Variants in ATXN7 observed in about 807,000 individuals in gnomAD.
ATXN7 encodes ataxin 7.
ATXN7 carries 12 observed loss-of-function variants against 70.5 expected under a neutral mutation model. The ratio of observed to expected loss-of-function variants is 0.17; its 90% CI spans 0.11 to 0.28. ATXN7 has a LOEUF of 0.28. Ranked by LOEUF, ATXN7 falls within the 10% of genes least tolerant of loss-of-function variation. The pLI is 1.00. For missense variants in ATXN7, 1,256 were observed against 1,131.7 expected (o/e 1.11, Z -1.58); for synonymous variants, 498 against 448.7 (o/e 1.11, Z -1.39).
chr3:63,900,921 G>T (rs950074135), intron 2 of ATXN7: 2 of 152,266 alleles, frequency 1.3e-5, no homozygotes, highest in African/African-American at 2.4e-5. Flanking sequence ...GAGCCAGGTG[G>T]AACTGTGAGA....
intron 1 of ATXN7, among the ~76,000 whole-genome samples, chr3:63,898,151 T>G (rs908059230): frequency 1.3e-5 from 2 of 152,138 alleles, no homozygotes; most frequent in African/African-American, 4.8e-5. Context: ...CCCAGGAGGC[T>G]AACTCTGTGT....
At chr3:63,984,205 A>AT (rs1046822092) in intron 8 of ATXN7, among the ~76,000 whole-genome samples, 10 of 150,522 alleles carry the variant, frequency 6.6e-5, no homozygotes, top group African/African-American at 2.2e-4. Context: ...TAAATATCTC[A>AT]TTTTTAAAAA....
chr3:63,895,695 C>T (rs1559623079), intron 1 of ATXN7, among the ~76,000 whole-genome samples: 3 of 152,062 alleles, frequency 2.0e-5, no homozygotes, highest in South Asian at 2.1e-4. Flanking sequence ...GATTCTCTCT[C>T]TCTTTCTTTC....
chr3:63,977,099 G>A (rs1271733034), intron 5 of ATXN7, among the ~76,000 whole-genome samples: 1 of 152,186 alleles, frequency 6.6e-6, no homozygotes, highest in African/African-American at 2.4e-5. Flanking sequence ...GAGGTAGATG[G>A]TGGAAGTTTG....
intron 5 of ATXN7, among the ~76,000 whole-genome samples, chr3:63,974,923 T>C (rs906692390): frequency 1.1e-4 from 17 of 152,194 alleles, no homozygotes; most frequent in Admixed American, 1.0e-3. Flanking sequence ...TAGCATCAGA[T>C]GTGTTTGGGT....
At chr3:63,981,795 G>C (rs536821740) in intron 6 of ATXN7, among the ~76,000 whole-genome samples, 1 of 152,130 alleles carries the variant, frequency 6.6e-6, no homozygotes, top group Admixed American at 6.5e-5. Context: ...GAATCCTTTC[G>C]TACAAATGGC....
intron 2 of ATXN7, chr3:63,901,866 G>T (rs1175729156): frequency 6.6e-6 from 1 of 152,168 alleles, no homozygotes; most frequent in African/African-American, 2.4e-5. Flanking sequence ...CCTTGAAAAT[G>T]TTTTATTAAA....
rs1559663124 is a variant in ATXN7 at position 63,995,997 on chromosome 3, C to T, written c.2175C>T (p.Ser725=). 6.2e-7 allele frequency: 1 copy of T among 1,613,924 alleles called. No individual in the cohort carries two copies. The highest frequency in any genetic ancestry group is 8.5e-7 in the Non-Finnish European group (1 of 1,179,760). Residue 725 remains serine, a synonymous_variant, in exon 12 of 13, where the codon TCC becomes TCT. Coordinates refer to ENST00000674280, the MANE Select transcript of ATXN7 (RefSeq NM_001377405.1). ...CTTCCTCCTCCTCTTCCTCCTCCTCCTCTTCTTCTCATTCCATGGAGTCTT... is the reference window on the plus strand; with the variant it reads ...CTTCCTCCTCCTCTTCCTCCTCCTCTTCTTCTTCTCATTCCATGGAGTCTT... ...VHSSSSSSSS[S]SSSHSMESFR... is the part of the protein sequence containing the mutation.
At chr3:63,885,779 G>A (rs1485050188) in intron 1 of ATXN7, among the ~76,000 whole-genome samples, 1 of 152,164 alleles carries the variant, frequency 6.6e-6, no homozygotes, top group East Asian at 1.9e-4. Flanking sequence ...CACTTTGGGA[G>A]GCCAAGGTAG....
At chr3:63,944,282 T>C (rs2074820494) in intron 4 of ATXN7, among the ~76,000 whole-genome samples, 1 of 152,212 alleles carries the variant, frequency 6.6e-6, no homozygotes, top group Non-Finnish European at 1.5e-5. Flanking sequence ...GCTTAACTTA[T>C]AAGTCAGACA....
chr3:63,952,333 C>T, intron 4 of ATXN7, 46 bp from the exon 5 acceptor site: 3 of 1,438,740 alleles, frequency 2.1e-6, no homozygotes, highest in Non-Finnish European at 2.8e-6. Context: ...GGTTTTATAT[C>T]AGTCAGAACC....
In ATXN7 at chr3:63,955,065, C is replaced by T. The variant is rs570133454; in HGVS notation, c.499+2582C>T. Among the ~76,000 whole-genome samples, 7 of 152,156 alleles carry T rather than the reference C, an allele frequency of 4.6e-5. No individual in the cohort carries two copies. The East Asian group carries it at 1.2e-3, about 25-fold the overall frequency. ...CTTTCTCCTTTCCTGCCTTTCAGTC[C>T]CTAGCACGGTATCTCCTAATAAGAT... is the stretch of plus-strand genomic sequence containing the variant. On this transcript the variant is annotated intron_variant, in intron 5 of 12. Coordinates refer to ENST00000674280, the MANE Select transcript of ATXN7 (RefSeq NM_001377405.1).
upstream of ATXN7, chr3:63,863,759 A>G: frequency 8.0e-7 from 1 of 1,250,428 alleles, no homozygotes; most frequent in Non-Finnish European, 1.0e-6. Context: ...TGTGGCGGCG[A>G]GCGGGGCCTC....
intron 1 of ATXN7, among the ~76,000 whole-genome samples, chr3:63,880,200 T>C (rs961913308): frequency 1.3e-5 from 2 of 152,178 alleles, no homozygotes; most frequent in Admixed American, 6.5e-5. Context: ...ACTCTGTAAA[T>C]ATGAATGGTG....
At chr3:63,985,319 G>GTCAT (rs2075558097) in intron 8 of ATXN7, among the ~76,000 whole-genome samples, 1 of 152,088 alleles carries the variant, frequency 6.6e-6, no homozygotes, top group Non-Finnish European at 1.5e-5. Context: ...CTTTAAGGGT[G>GTCAT]TCATTACTCT....
At chr3:63,935,651 G>A (rs1388127390) in intron 4 of ATXN7, among the ~76,000 whole-genome samples, 1 of 152,082 alleles carries the variant, frequency 6.6e-6, no homozygotes, top group South Asian at 2.1e-4. Context: ...ACTTTCCTGT[G>A]TTGTGTGATG....
intron 2 of ATXN7, among the ~76,000 whole-genome samples, chr3:63,898,928 G>C (rs1403515856): frequency 6.6e-6 from 1 of 152,190 alleles, no homozygotes; most frequent in South Asian, 2.1e-4. Flanking sequence ...TCATCAGCAA[G>C]ACTGTAAAAC....
intron 4 of ATXN7, among the ~76,000 whole-genome samples, chr3:63,919,294 T>C (rs1340871474): frequency 6.6e-6 from 1 of 152,192 alleles, no homozygotes; most frequent in East Asian, 1.9e-4. Flanking sequence ...AGAGACCATA[T>C]GACCCACCAA....
intron 1 of ATXN7, among the ~76,000 whole-genome samples, chr3:63,885,419 T>C (rs1333807483): frequency 6.6e-6 from 1 of 152,180 alleles, no homozygotes; most frequent in African/African-American, 2.4e-5. Flanking sequence ...TTAGAATGGC[T>C]ATTCAAAAAG....
Sources: allele counts gnomAD v4.1 joint callset (sites outside exome capture counted in the v4.1 genomes callset), GRCh38; gene constraint gnomAD v4.1.1; transcripts MANE v1.5; gene names NCBI Gene and HGNC (gene_info 2026-07-23, HGNC 2026-07-21).